The following CAPN13 variants were observed in gnomAD, a reference collection of about 807,000 sequenced individuals.
CAPN13 encodes calpain 13.
Under a neutral mutation model 98.4 loss-of-function variants are expected in CAPN13, and 90 were observed. The ratio of observed to expected loss-of-function variants is 0.92; its 90% CI spans 0.77 to 1.09. The LOEUF is 1.09. Ranked by LOEUF, CAPN13 falls within the 50% of genes least tolerant of loss-of-function variation. CAPN13 has a pLI of 0.00. For missense variants in CAPN13, 887 were observed against 841.3 expected (o/e 1.05, Z -0.67); for synonymous variants, 330 against 305.5 (o/e 1.08, Z -0.84).
chr2:30,756,998 C>A (rs1014338746), intron 8 of CAPN13, among the ~76,000 whole-genome samples: 6 of 152,312 alleles, frequency 3.9e-5, no homozygotes, highest in African/African-American at 1.4e-4. Context: ...TAGCCTGGGG[C>A]ATCAGGCCTA....
chr2:30,800,711 G>C (rs897439660), intron 1 of CAPN13, among the ~76,000 whole-genome samples: 1 of 152,164 alleles, frequency 6.6e-6, no homozygotes, highest in South Asian at 2.1e-4. Flanking sequence ...CCCACAGAAT[G>C]TATTATTTCT....
At chr2:30,758,809 T>TTCCTTCC (rs1553313146) in intron 7 of CAPN13, among the ~76,000 whole-genome samples, 1 of 65,688 alleles carries the variant, frequency 1.5e-5, no homozygotes, top group African/African-American at 6.3e-5. Context: ...CCTCCCTCCC[T>TTCCTTCC]TCCCTTCCTC....
intron 9 of CAPN13, 114 bp from the exon 10 acceptor site, chr2:30,753,312 T>C (rs1672274800): frequency 8.3e-6 from 9 of 1,084,510 alleles, no homozygotes; most frequent in Non-Finnish European, 1.2e-5. Context: ...TGTCTGATCC[T>C]GGCTCATTCA....
At chr2:30,740,087 T>G (rs1266819849) in intron 15 of CAPN13, among the ~76,000 whole-genome samples, 3 of 133,648 alleles carry the variant, frequency 2.2e-5, no homozygotes, top group African/African-American at 8.1e-5. Flanking sequence ...ATTAGGTTTT[T>G]TTTTTTTTTT....
intron 1 of CAPN13, among the ~76,000 whole-genome samples, chr2:30,793,709 T>C (rs1045810876): frequency 6.6e-6 from 1 of 151,846 alleles, no homozygotes; most frequent in Non-Finnish European, 1.5e-5. Flanking sequence ...ATAAAGCTAC[T>C]GTACTGGCAA....
At chr2:30,731,466 A>C in intron 20 of CAPN13, 67 bp from the exon 21 acceptor site, 1 of 1,406,518 alleles carries the variant, frequency 7.1e-7, no homozygotes, top group Non-Finnish European at 9.8e-7. Context: ...CAGGGGAGGC[A>C]GGCCTGGGCC....
In CAPN13 at chr2:30,764,212, A is replaced by T. The variant is rs756141668; in HGVS notation, c.619T>A (p.Ser207Thr). 1.8e-5 allele frequency: 29 copies of T among 1,612,026 alleles called. No homozygotes were observed. In the African/African-American group the frequency reaches 3.6e-4, roughly 20 times the overall value. The change falls in exon 6 of 23, where the codon TCT becomes ACT. Residue 207 changes from serine to threonine, a missense_variant. Physicochemically the swap from Ser to Thr is moderately conservative, Grantham distance 58 (BLOSUM62 1). Coordinates refer to ENST00000295055, the MANE Select transcript of CAPN13 (RefSeq NM_144575.3). ...GGVITNIHLHSSPVDLVKAVK... is the reference protein window; with the variant it reads ...GGVITNIHLHTSPVDLVKAVK... ...GCCTTCACCAGGTCCACAGGGGAAG[A>T]GTGCAGATGGATGTTGGTGATCACG...
intron 17 of CAPN13, chr2:30,737,784 T>G (rs1572791140): frequency 6.0e-6 from 1 of 166,306 alleles, no homozygotes; most frequent in Non-Finnish European, 1.3e-5. Context: ...AAAGGGGCGG[T>G]TTAGGATAAG....
At chr2:30,733,280 C>G (rs1347252770) in intron 19 of CAPN13, among the ~76,000 whole-genome samples, 1 of 152,016 alleles carries the variant, frequency 6.6e-6, no homozygotes, top group East Asian at 1.9e-4. Flanking sequence ...CAGGAGGTTT[C>G]TCTAGCGGAG....
chr2:30,775,929 C>A lies in CAPN13; in HGVS notation c.387+1G>T. On this transcript the variant is annotated splice_donor_variant, in intron 4 of 22. Transcript: ENST00000295055. LOFTEE classifies it high-confidence loss of function. ...AATGAGCGCTGCAAGGGCACACGTA[C>A]CCGGAAACGGAAAATGCCAGCATAC... 6.2e-7 allele frequency: 1 copy of A among 1,606,068 alleles called. No homozygotes were observed. Among genetic ancestry groups the A allele is most frequent in the Non-Finnish European group, 8.5e-7 (1 of 1,175,420 alleles).
At chr2:30,775,181 A>G (rs1205711436) in intron 4 of CAPN13, among the ~76,000 whole-genome samples, 1 of 152,344 alleles carries the variant, frequency 6.6e-6, no homozygotes, top group East Asian at 1.9e-4. Flanking sequence ...AGTTTAATAT[A>G]TGGTAAGTAG....
intron 7 of CAPN13, 39 bp from the exon 8 acceptor site, chr2:30,758,176 G>T: frequency 6.9e-7 from 1 of 1,453,804 alleles, no homozygotes; most frequent in Non-Finnish European, 9.4e-7. Flanking sequence ...GTGCTCTACA[G>T]CAAAAGTCAG....
chr2:30,741,192 C>T (rs1204960595), intron 15 of CAPN13, among the ~76,000 whole-genome samples: 1 of 152,188 alleles, frequency 6.6e-6, no homozygotes, highest in Non-Finnish European at 1.5e-5. Context: ...TCATTCCAGC[C>T]ACATTCTTAG....
chr2:30,733,936 G>A (rs139089035), intron 19 of CAPN13, among the ~76,000 whole-genome samples: 1 of 152,312 alleles, frequency 6.6e-6, no homozygotes, highest in Non-Finnish European at 1.5e-5. Context: ...GAACAGAAGT[G>A]CTTGGTGAAC....
chr2:30,776,379 T>C (rs972467682), intron 3 of CAPN13, among the ~76,000 whole-genome samples: 26 of 152,040 alleles, frequency 1.7e-4, no homozygotes, highest in African/African-American at 5.5e-4. Flanking sequence ...GCCCGGCTAA[T>C]TTTTTTTATT....
At chr2:30,741,364 AAC>A in intron 15 of CAPN13, 1 of 984,736 alleles carries the variant, frequency 1.0e-6, no homozygotes, top group Non-Finnish European at 1.2e-6. Context: ...TTTCCACACT[AAC>A]ACAATTATTA....
At chr2:30,800,148 G>GA (rs1172811444) in intron 1 of CAPN13, among the ~76,000 whole-genome samples, 111 of 148,058 alleles carry the variant, frequency 7.5e-4, no homozygotes, top group African/African-American at 2.8e-3. Context: ...AAGAAAGAAA[G>GA]AAAGAAAGAA....
At chr2:30,764,351 A>G (rs915136299) in intron 5 of CAPN13, 45 bp from the exon 6 acceptor site, 3 of 1,597,538 alleles carry the variant, frequency 1.9e-6, no homozygotes, top group Non-Finnish European at 2.6e-6. Context: ...CTTTGGTGAG[A>G]TGCTCTGGGA....
intron 8 of CAPN13, among the ~76,000 whole-genome samples, chr2:30,756,111 C>T (rs910648731): frequency 2.6e-5 from 4 of 151,756 alleles, no homozygotes; most frequent in African/African-American, 9.7e-5. Context: ...CTGCTAGATC[C>T]GTCTCCCCCA....
Sources: allele counts gnomAD v4.1 joint callset (sites outside exome capture counted in the v4.1 genomes callset), GRCh38; gene constraint gnomAD v4.1.1; transcripts MANE v1.5; gene names NCBI Gene and HGNC (gene_info 2026-07-23, HGNC 2026-07-21).